STK31: variants seen among roughly 807,000 people sequenced by gnomAD.
The protein encoded by STK31 is serine/threonine-protein kinase 31.
A neutral mutation model predicts 129.7 loss-of-function variants in STK31; 89 were observed. That is an observed-to-expected ratio of 0.69 (90% CI 0.58 to 0.82). The LOEUF (loss-of-function observed/expected upper bound fraction) is 0.82. STK31 is among the 40% of genes least tolerant of loss of function. The pLI is 0.00. For missense variants in STK31, 1,187 were observed against 1,176.4 expected (o/e 1.01, Z -0.13); for synonymous variants, 448 against 395.3 (o/e 1.13, Z -1.58).
intron 15 of STK31, among the ~76,000 whole-genome samples, chr7:23,776,587 A>G (rs7811219): frequency 0.99 from 148,181 of 149,922 alleles, 73,255 homozygotes; most frequent in Non-Finnish European, 1. Context: ...GAATTTTTCC[A>G]TTTCTTCTAG....
At chr7:23,806,921 A>G (rs923091286) in intron 22 of STK31, among the ~76,000 whole-genome samples, 5 of 150,968 alleles carry the variant, frequency 3.3e-5, no homozygotes, top group African/African-American at 4.9e-5. Flanking sequence ...AAAAAAAAAA[A>G]AGAGAGATAC....
intron 3 of STK31, 148 bp downstream of exon 3, chr7:23,712,434 G>C: frequency 1.3e-6 from 1 of 789,210 alleles, no homozygotes; most frequent in Non-Finnish European, 2.1e-6. Context: ...GCATTATTAG[G>C]AGACAAATGT....
Position 23,793,228 on chromosome 7 carries a change from T to C in STK31, c.2760+2282T>C, listed in dbSNP as rs75828436. Among the ~76,000 whole-genome samples the C allele has an allele frequency of 1.7e-4, 26 of 152,364 alleles. No individual in the cohort carries two copies. In the East Asian group the frequency reaches 4.4e-3, roughly 26 times the overall value. On this transcript the variant is annotated intron_variant, in intron 22 of 23. Coordinates refer to ENST00000355870, the MANE Select transcript of STK31 (RefSeq NM_031414.5). ...AGAATAAATTTTGATTCATTTCTTA[T>C]ACCATGCACAAAAATTAGCTCAAAA...
At chr7:23,742,952 C>CTT (rs56363240) in intron 8 of STK31, among the ~76,000 whole-genome samples, 1 of 115,570 alleles carries the variant, frequency 8.7e-6, no homozygotes, top group South Asian at 3.0e-4. Context: ...GGGTTTTATA[C>CTT]TTTTTTTTTT....
intron 22 of STK31, among the ~76,000 whole-genome samples, chr7:23,810,066 T>G (rs747758239): frequency 3.9e-5 from 6 of 152,174 alleles, no homozygotes; most frequent in Non-Finnish European, 8.8e-5. Context: ...CTCTATCTTG[T>G]GGTTTAAGGT....
At chr7:23,786,787 T>C in intron 19 of STK31, 51 bp from the exon 20 acceptor site, 1 of 1,577,306 alleles carries the variant, frequency 6.3e-7, no homozygotes, top group Middle Eastern at 1.7e-4. Context: ...ATGCTAAAAA[T>C]ATGTTGAAGA....
intron 23 of STK31, among the ~76,000 whole-genome samples, chr7:23,828,318 T>C (rs947445632): frequency 6.6e-6 from 1 of 152,232 alleles, no homozygotes; most frequent in South Asian, 2.1e-4. Flanking sequence ...CCAGCCTCGC[T>C]GCCGCCTTGC....
chr7:23,757,109 C>G (rs527430249), intron 10 of STK31, among the ~76,000 whole-genome samples: 1 of 152,264 alleles, frequency 6.6e-6, no homozygotes, highest in South Asian at 2.1e-4. Context: ...GGCTGTGAAT[C>G]TGTCTGGTCC....
At chr7:23,750,093 G>A (rs1440741169) in intron 8 of STK31, among the ~76,000 whole-genome samples, 2 of 117,792 alleles carry the variant, frequency 1.7e-5, no homozygotes, top group East Asian at 4.9e-4. Flanking sequence ...CTGGAAACAT[G>A]AGGGGATTTT....
chr7:23,769,399 TC>T (rs1218232481), intron 12 of STK31, among the ~76,000 whole-genome samples: 1 of 152,162 alleles, frequency 6.6e-6, no homozygotes, highest in African/African-American at 2.4e-5. Context: ...TCTCAGCTTT[TC>T]CTAAGGATTG....
chr7:23,764,456 A>G (rs891642423), intron 11 of STK31, among the ~76,000 whole-genome samples: 12 of 152,222 alleles, frequency 7.9e-5, no homozygotes, highest in African/African-American at 2.2e-4. Flanking sequence ...TATCCAAGAA[A>G]GATATTTCTA....
At chr7:23,828,204 G>A (rs980837363) in intron 23 of STK31, among the ~76,000 whole-genome samples, 1 of 151,238 alleles carries the variant, frequency 6.6e-6, no homozygotes, top group African/African-American at 2.5e-5. Context: ...GGAGCCTACA[G>A]AGGCAGGGAG....
At chr7:23,752,088 C>A (rs1029398119) in intron 8 of STK31, among the ~76,000 whole-genome samples, 5 of 151,678 alleles carry the variant, frequency 3.3e-5, no homozygotes, top group African/African-American at 1.2e-4. Context: ...GTACCTAATG[C>A]AACAGAACTA....
intron 8 of STK31, among the ~76,000 whole-genome samples, chr7:23,738,958 G>T (rs1428051853): frequency 1.3e-5 from 2 of 152,202 alleles, no homozygotes; most frequent in African/African-American, 4.8e-5. Flanking sequence ...TGTCTTTATA[G>T]TAGAATGATT....
chr7:23,832,210 T>C lies in STK31; in HGVS notation c.2904T>C (p.Asn968=). The change falls in exon 24 of 24, where the codon AAT becomes AAC. Residue 968 remains asparagine (N), a synonymous_variant. Transcript: ENST00000355870. ...RSSMTAEQVL[N]AECFLMPKEQ... is the part of the protein sequence containing the mutation. Reference sequence around the variant, plus strand: ...CAATGACTGCTGAACAAGTTTTAAATGCTGAATGTTTCTTGATGCCAAAGG... The same window carrying C: ...CAATGACTGCTGAACAAGTTTTAAACGCTGAATGTTTCTTGATGCCAAAGG... 2 of 1,614,144 alleles carry C rather than the reference T, an allele frequency of 1.2e-6. No homozygotes were observed. The highest frequency in any genetic ancestry group is 1.7e-6 in the Non-Finnish European group (2 of 1,180,018).
At chr7:23,812,274 C>T (rs565800127) in intron 22 of STK31, among the ~76,000 whole-genome samples, 36 of 151,472 alleles carry the variant, frequency 2.4e-4, no homozygotes, top group African/African-American at 3.9e-4. Flanking sequence ...CTACTTCCTT[C>T]GGTCTCCATA....
At chr7:23,726,457 A>AG (rs1439128727) in intron 4 of STK31, 1 of 136,456 alleles carries the variant, frequency 7.3e-6, no homozygotes, top group Admixed American at 7.4e-5. Context: ...AAAAAAAAAA[A>AG]TACAAAACTT....
At chr7:23,747,133 C>T (rs1464946932) in intron 8 of STK31, among the ~76,000 whole-genome samples, 2 of 151,856 alleles carry the variant, frequency 1.3e-5, no homozygotes, top group African/African-American at 4.8e-5. Context: ...TTGTGGCTTT[C>T]TTTTTGTGTA....
chr7:23,810,930 T>C (rs1457708000), intron 22 of STK31, among the ~76,000 whole-genome samples: 1 of 105,464 alleles, frequency 9.5e-6, no homozygotes, highest in Non-Finnish European at 2.0e-5. Context: ...TATATATGTG[T>C]GTGTGTATAT....
Sources: allele counts gnomAD v4.1 joint callset (sites outside exome capture counted in the v4.1 genomes callset), GRCh38; gene constraint gnomAD v4.1.1; transcripts MANE v1.5; gene names NCBI Gene and HGNC (gene_info 2026-07-23, HGNC 2026-07-21).